Variants in ATRIP observed in about 807,000 individuals in gnomAD.
The protein encoded by ATRIP is ATR interacting protein, also known as ATR-interacting protein.
A neutral mutation model predicts 78.1 loss-of-function variants in ATRIP; 44 were observed. The ratio of observed to expected loss-of-function variants is 0.56; its 90% CI spans 0.44 to 0.72. ATRIP has a LOEUF of 0.72. ATRIP is among the 30% of genes least tolerant of loss of function. The pLI, the probability that ATRIP is intolerant of heterozygous loss-of-function variation, is 0.00. For synonymous variants in ATRIP, 388 were observed against 408.9 expected (o/e 0.95, Z 0.62); for missense variants, 927 against 980.2 (o/e 0.95, Z 0.72).
rs367751914 is a variant in ATRIP at position 48,460,619 on chromosome 3, T to C, written c.1565T>C (p.Met522Thr). The C allele has an allele frequency of 6.2e-6, 10 of 1,614,088 alleles. No individual in the cohort carries two copies. Among genetic ancestry groups the C allele is most frequent in the African/African-American group, 2.7e-5 (2 of 74,934 alleles). ...GTTCACAGGCTTAGTGATGGAGATA[T>C]GACCTCAGCCCTAAGGGGGGTTGCT... ...SLVHRLSDGD[M>T]TSALRGVADD... The change falls in exon 8 of 13, where the codon ATG becomes ACG. Residue 522 changes from methionine to threonine, a missense_variant. Physicochemically the swap from Met to Thr is moderately conservative, Grantham distance 81. Coordinates refer to ENST00000320211, the MANE Select transcript of ATRIP (RefSeq NM_130384.3).
intron 2 of ATRIP, chr3:48,450,605 T>TG (rs1455625004): frequency 3.4e-6 from 4 of 1,180,346 alleles, no homozygotes; most frequent in Non-Finnish European, 4.4e-6. Context: ...TTTTTTTTTT[T>TG]TTTTGGAGAT....
In ATRIP at chr3:48,465,614, C is replaced by G; in HGVS notation, c.*60C>G. ...ACCACTCCTTTCCTTACCACATCAA[C>G]TGATTAAAGCAGTGACCAGCAGGAA... On this transcript the variant is annotated 3_prime_UTR_variant, in exon 13 of 13. Coordinates refer to ENST00000320211, the MANE Select transcript of ATRIP (RefSeq NM_130384.3). The G allele has an allele frequency of 6.7e-7, 1 of 1,499,836 alleles. No homozygotes were observed. The highest frequency in any genetic ancestry group is 9.3e-7 in the Non-Finnish European group (1 of 1,077,796). The allele number at this position is 1,499,836 out of a possible 1,614,324, so 92.9% of individuals were successfully genotyped here.
intron 1 of ATRIP, chr3:48,447,541 T>G (rs1014633505): frequency 1.0e-6 from 1 of 986,568 alleles, no homozygotes; most frequent in Non-Finnish European, 1.2e-6. Context: ...TGAAATAAAT[T>G]TATTCTTTTA....
intron 8 of ATRIP, among the ~76,000 whole-genome samples, chr3:48,461,084 G>C (rs1219971595): frequency 6.6e-6 from 1 of 152,232 alleles, no homozygotes; most frequent in East Asian, 1.9e-4. Context: ...CCCAGGACAA[G>C]GGTTAAGACA....
intron 8 of ATRIP, among the ~76,000 whole-genome samples, chr3:48,463,038 C>T (rs1329968655): frequency 1.3e-5 from 2 of 152,230 alleles, no homozygotes; most frequent in African/African-American, 4.8e-5. Context: ...AAGGGGTACA[C>T]ACCTGGCCAG....
chr3:48,467,249 G>A lies in ATRIP; in HGVS notation c.*1695G>A, dbSNP rs2040363169. ...CCCCTCCAGACTCGCACACGGCTGA[G>A]GGTGATGTCCTGGCCCTGCTCAGCA... On this transcript the variant is annotated 3_prime_UTR_variant, in exon 13 of 13. Transcript: ENST00000320211. 2 of 1,614,132 alleles carry A rather than the reference G, an allele frequency of 1.2e-6. No individual in the cohort carries two copies. Among genetic ancestry groups the A allele is most frequent in the African/African-American group, 2.7e-5 (2 of 75,054 alleles).
At chr3:48,459,645 C>A in intron 6 of ATRIP, 142 bp from the exon 7 acceptor site, 1 of 1,236,704 alleles carries the variant, frequency 8.1e-7, no homozygotes, top group Non-Finnish European at 1.1e-6. Flanking sequence ...CCAGAGCCTT[C>A]CGCACCCACA....
At chr3:48,464,174 A>AT in intron 10 of ATRIP, 42 bp downstream of exon 10, 1 of 1,486,750 alleles carries the variant, frequency 6.7e-7, no homozygotes, top group Non-Finnish European at 9.4e-7. Context: ...TCCCCACCCC[A>AT]TCCTAAGAAC....
intron 2 of ATRIP, among the ~76,000 whole-genome samples, chr3:48,450,806 C>G (rs1164504535): frequency 1.3e-5 from 2 of 151,276 alleles, no homozygotes; most frequent in Non-Finnish European, 2.9e-5. Context: ...AGGCTGGTCT[C>G]AAACTCCTGG....
At chr3:48,456,600 CAA>C (rs1206195014) in intron 4 of ATRIP, among the ~76,000 whole-genome samples, 20 of 66,234 alleles carry the variant, frequency 3.0e-4, no homozygotes, top group Admixed American at 1.8e-4. Flanking sequence ...CCTGTCTCAC[CAA>C]AAAAAAAAAA....
At chr3:48,464,364 G>C (rs1257215574) in intron 10 of ATRIP, among the ~76,000 whole-genome samples, 1 of 152,210 alleles carries the variant, frequency 6.6e-6, no homozygotes, top group Admixed American at 6.5e-5. Context: ...GCTTTGGGAC[G>C]TGGGGGCAGA....
Position 48,465,612 on chromosome 3 carries a change from A to C in ATRIP, c.*58A>C. 1 of 1,509,630 alleles carries C rather than the reference A, an allele frequency of 6.6e-7. No individual in the cohort carries two copies. The highest frequency in any genetic ancestry group is 9.2e-7 in the Non-Finnish European group (1 of 1,086,326). 93.5% of individuals were successfully genotyped at this position (1,509,630 alleles called of 1,614,324 possible). A position where few individuals can be genotyped will look rare whatever the true frequency, so the allele number is the denominator to read the frequency against. On this transcript the variant is annotated 3_prime_UTR_variant, in exon 13 of 13. Coordinates refer to ENST00000320211, the MANE Select transcript of ATRIP (RefSeq NM_130384.3). ...GCACCACTCCTTTCCTTACCACATC[A>C]ACTGATTAAAGCAGTGACCAGCAGG...
Position 48,460,546 on chromosome 3 carries a change from T to G in ATRIP, c.1492T>G (p.Ser498Ala). ...HSGAVVSLLL[S>A]GVGADSAAGE... is the part of the protein sequence containing the mutation. ...CGGAGCAGTCGTCTCCCTATTACTGTCAGGAGTGGGGGCAGATTCTGCTGC... is the reference window on the plus strand; with the variant it reads ...CGGAGCAGTCGTCTCCCTATTACTGGCAGGAGTGGGGGCAGATTCTGCTGC... Residue 498 changes from serine to alanine, a missense_variant, in exon 8 of 13, where the codon TCA becomes GCA. Coordinates refer to ENST00000320211, the MANE Select transcript of ATRIP (RefSeq NM_130384.3). The G allele has an allele frequency of 6.2e-7, 1 of 1,614,064 alleles. No individual in the cohort carries two copies. Among genetic ancestry groups the G allele is most frequent in the Non-Finnish European group, 8.5e-7 (1 of 1,180,002 alleles).
chr3:48,465,117 C>T, intron 12 of ATRIP, 34 bp downstream of exon 12: 3 of 1,583,738 alleles, frequency 1.9e-6, no homozygotes, highest in Non-Finnish European at 2.6e-6. Context: ...GCCCAGCCCC[C>T]ATGGCTTCTT....
chr3:48,450,263 A>G, intron 2 of ATRIP, 93 bp downstream of exon 2: 1 of 1,440,496 alleles, frequency 6.9e-7, no homozygotes, highest in South Asian at 1.3e-5. Flanking sequence ...TTGTAAAACA[A>G]GTGTCTAGAT....
At chr3:48,459,520 C>G in intron 6 of ATRIP, 66 bp downstream of exon 6, 1 of 1,500,376 alleles carries the variant, frequency 6.7e-7, no homozygotes. Context: ...GAAGAATTGC[C>G]CAGGCCTCTG....
In ATRIP at chr3:48,450,190, G is replaced by GT; in HGVS notation, c.381+25dup. The GT allele has an allele frequency of 6.3e-7, 1 of 1,598,938 alleles. No individual in the cohort carries two copies. The highest frequency in any genetic ancestry group is 8.5e-7 in the Non-Finnish European group (1 of 1,174,736). ...GAAAAGGTAAGTGACTTAACTTGTGGTTTTTGTAGCTAATTCATTCACTTA... is the reference window on the plus strand; with the variant it reads ...GAAAAGGTAAGTGACTTAACTTGTGGTTTTTTGTAGCTAATTCATTCACTTA... On this transcript the variant is annotated intron_variant, in intron 2 of 12. Transcript: ENST00000320211.
chr3:48,466,551 T>TCTA lies in ATRIP; in HGVS notation c.*997_*998insCTA. ...GCAGGGAAGGCCTGAGATGTGCTTC[T>TCTA]GCCCACCCCCTACCCCACTCCCTCC... On this transcript the variant is annotated 3_prime_UTR_variant, in exon 13 of 13. Coordinates refer to ENST00000320211, the MANE Select transcript of ATRIP (RefSeq NM_130384.3). 6.2e-7 allele frequency: 1 copy of TCTA among 1,613,918 alleles called. No homozygotes were observed.
intron 3 of ATRIP, 122 bp from the exon 4 acceptor site, chr3:48,454,178 C>A: frequency 1.6e-6 from 1 of 644,700 alleles, no homozygotes; most frequent in South Asian, 1.8e-5. Context: ...ACATTTATGT[C>A]ACAGCAGACT....
Sources: allele counts gnomAD v4.1 joint callset (sites outside exome capture counted in the v4.1 genomes callset), GRCh38; gene constraint gnomAD v4.1.1; transcripts MANE v1.5; gene names NCBI Gene and HGNC (gene_info 2026-07-23, HGNC 2026-07-21).